Variants in BCAS3 observed in about 807,000 individuals in gnomAD.
BCAS3 encodes BCAS3 microtubule associated cell migration factor.
Under a neutral mutation model 116.1 loss-of-function variants are expected in BCAS3, and 53 were observed. That is an observed-to-expected ratio of 0.46 (90% CI 0.37 to 0.57). The LOEUF (loss-of-function observed/expected upper bound fraction) is 0.57, where lower values mean the gene tolerates loss of function less well. BCAS3 is among the 20% of genes least tolerant of loss of function. BCAS3 has a pLI of 0.00. For missense variants in BCAS3, 917 were observed against 1,165.4 expected (o/e 0.79, Z 3.10); for synonymous variants, 391 against 408.2 (o/e 0.96, Z 0.51).
chr17:60,811,493 C>T, intron 7 of BCAS3: 1 of 454,750 alleles, frequency 2.2e-6, no homozygotes, highest in Admixed American at 2.9e-5. Flanking sequence ...CTTTGGGGAG[C>T]CAGGAGGCCA....
intron 19 of BCAS3, among the ~76,000 whole-genome samples, chr17:61,062,951 G>A (rs914941712): frequency 4.6e-5 from 7 of 152,222 alleles, no homozygotes; most frequent in Non-Finnish European, 8.8e-5. Flanking sequence ...TGGGAGGAAT[G>A]AGCAAGAATA....
At position 60,947,317 on chromosome 17, in the gene BCAS3, C is replaced by T. The variant is rs755943301; in HGVS notation, c.1186C>T (p.Leu396=). Residue 396 remains leucine, a synonymous_variant, in exon 14 of 24, where the codon CTG becomes TTG. Transcript: ENST00000407086. ...WSSSQCAVHH[L]YTLHRGETEA... ...CTCATCACAATGTGCTGTCCACCAT[C>T]TGTATACTCTTCACAGGGGAGAAAC... The T allele has an allele frequency of 6.2e-7, 1 of 1,613,772 alleles. No homozygotes were observed. Among genetic ancestry groups the T allele is most frequent in the South Asian group, 1.1e-5 (1 of 91,034 alleles).
At chr17:61,371,704 G>T (rs902119749) in intron 23 of BCAS3, among the ~76,000 whole-genome samples, 3 of 151,978 alleles carry the variant, frequency 2.0e-5, no homozygotes, top group African/African-American at 7.3e-5. Context: ...ATTTTTATTT[G>T]TCAATTAAAA....
chr17:61,363,234 G>A lies in BCAS3; in HGVS notation c.2426-5093G>A, dbSNP rs956931637. Among the ~76,000 whole-genome samples, 5 of 152,214 alleles carry A rather than the reference G, an allele frequency of 3.3e-5. No homozygotes were observed. Among genetic ancestry groups the A allele is most frequent in the African/African-American group, 4.8e-5 (2 of 41,446 alleles). On this transcript the variant is annotated intron_variant, in intron 22 of 23. Transcript: ENST00000407086. This position sits in a 1 kb window ranked among gnomAD's most constrained non-coding sequence, Gnocchi z 4.9. The stretch of plus-strand genomic sequence containing the variant: ...TGCCCGCATAATTTTATGTATGCAA[G>A]CACACATTTTTTGAGTAAGTGCTTA...
chr17:60,853,366 T>C (rs2053350021), intron 7 of BCAS3, among the ~76,000 whole-genome samples: 2 of 152,234 alleles, frequency 1.3e-5, no homozygotes, highest in African/African-American at 4.8e-5. Flanking sequence ...AAATGAGTTA[T>C]AAATTTAGTG....
At chr17:60,733,503 C>T (rs911156965) in intron 5 of BCAS3, among the ~76,000 whole-genome samples, 2 of 152,130 alleles carry the variant, frequency 1.3e-5, no homozygotes, top group Non-Finnish European at 2.9e-5. Flanking sequence ...AAACATGAGG[C>T]ATTCTTTTCC....
At position 61,356,213 on chromosome 17, in the gene BCAS3, C is replaced by T. The variant is rs1012349344; in HGVS notation, c.2426-12114C>T. Among the ~76,000 whole-genome samples, 4 of 152,072 alleles carry T rather than the reference C, an allele frequency of 2.6e-5. No homozygotes were observed. Among genetic ancestry groups the T allele is most frequent in the African/African-American group, 7.2e-5 (3 of 41,390 alleles). On this transcript the variant is annotated intron_variant, in intron 22 of 23. Coordinates refer to ENST00000407086, the MANE Select transcript of BCAS3 (RefSeq NM_017679.5). The surrounding 1 kb of genome is among the most constrained non-coding windows in gnomAD (Gnocchi z 5.4). The stretch of plus-strand genomic sequence containing the variant: ...TTCACCGTGTTGGCCAGGCTGGTCT[C>T]GAACTCCTGACCTCAGGTGATCCAC...
chr17:60,931,064 T>A (rs995136124), intron 13 of BCAS3, among the ~76,000 whole-genome samples: 1 of 152,148 alleles, frequency 6.6e-6, no homozygotes, highest in African/African-American at 2.4e-5. Context: ...TTCAATTTTT[T>A]AATTCCCATT....
chr17:61,299,460 AAAAAAAGAAAAG>A lies in BCAS3; in HGVS notation c.2426-68858_2426-68847del, dbSNP rs1205523425. 2.7e-3 allele frequency among the ~76,000 whole-genome samples: 396 copies of A among 145,328 alleles called. 3 individuals are homozygous for A. Among genetic ancestry groups the A allele is most frequent in the African/African-American group, 5.4e-3 (206 of 38,362 alleles). On this transcript the variant is annotated intron_variant, in intron 22 of 23. Transcript: ENST00000407086. ...TCCATCTCAAAAAAAAAAAAAAAAA[AAAAAAAGAAAAG>A]AAAAAAGATGGGATTCTGAGTAAAC...
In BCAS3 at chr17:60,724,786, T is replaced by TA. The variant is rs550598581; in HGVS notation, c.321+15474dup. The stretch of plus-strand genomic sequence containing the variant: ...TTTTACCTTTAGGTTTAAGATTCAT[T>TA]AAAAAAAAAAAAACAGCTTTGTATA... On this transcript the variant is annotated intron_variant, in intron 5 of 23. Coordinates refer to ENST00000407086, the MANE Select transcript of BCAS3 (RefSeq NM_017679.5). Among the ~76,000 whole-genome samples, 894 of 143,184 alleles carry TA rather than the reference T, an allele frequency of 6.2e-3. 3 individuals carry two copies. Among genetic ancestry groups the TA allele is most frequent in the Admixed American group, 0.01 (147 of 14,182 alleles). 93.9% of individuals were successfully genotyped at this position (143,184 alleles called of 152,430 possible).
Position 61,279,128 on chromosome 17 carries a change from G to A in BCAS3, c.2426-89199G>A, listed in dbSNP as rs1160813164. Among the ~76,000 whole-genome samples, 2 of 151,682 alleles carry A rather than the reference G, an allele frequency of 1.3e-5. No individual in the cohort carries two copies. Among genetic ancestry groups the A allele is most frequent in the Non-Finnish European group, 1.5e-5 (1 of 67,936 alleles). On this transcript the variant is annotated intron_variant, in intron 22 of 23. Transcript: ENST00000407086. The surrounding 1 kb of genome is among the most constrained non-coding windows in gnomAD (Gnocchi z 4.4). ...TGCCTGGCTAATTTTTGTATCTTTA[G>A]TAGAGACGGGGTTTTACTGTGTTGG...
chr17:61,260,668 A>G (rs2049124266), intron 22 of BCAS3, among the ~76,000 whole-genome samples: 1 of 152,240 alleles, frequency 6.6e-6, no homozygotes, highest in African/African-American at 2.4e-5. Flanking sequence ...TTCAGAGGCC[A>G]AGTCAGACAA....
intron 14 of BCAS3, among the ~76,000 whole-genome samples, chr17:60,953,921 A>T (rs1313445111): frequency 6.6e-6 from 1 of 151,882 alleles, no homozygotes; most frequent in Non-Finnish European, 1.5e-5. Context: ...TTTAGTATAG[A>T]TGGGGTTTCA....
At chr17:61,371,493 G>A (rs1382259686) in intron 23 of BCAS3, among the ~76,000 whole-genome samples, 1 of 152,166 alleles carries the variant, frequency 6.6e-6, no homozygotes, top group Non-Finnish European at 1.5e-5. Context: ...AGAAGAATAA[G>A]TTCAAGAGAT....
At chr17:60,760,188 A>T (rs7503356) in intron 6 of BCAS3, among the ~76,000 whole-genome samples, 123,881 of 152,144 alleles carry the variant, frequency 0.81, 51,948 homozygotes, top group South Asian at 0.98. Context: ...AAGGTTATTA[A>T]TGATGTGTGA....
chr17:61,040,887 C>T lies in BCAS3; in HGVS notation c.2024C>T (p.Ala675Val). 1 of 1,613,278 alleles carries T rather than the reference C, an allele frequency of 6.2e-7. No homozygotes were observed. The highest frequency in any genetic ancestry group is 1.3e-5 in the African/African-American group (1 of 74,994). ...GTACAGTATTATCAGTTCCTGCTTG[C>T]TGGCCGTAAGTAGTTCAGATTTTTT... Reference protein sequence around the residue: ...DAVQYYQFLLAGLVPPGSPGP... With the variant: ...DAVQYYQFLLVGLVPPGSPGP... Residue 675 changes from alanine to valine, a missense_variant, in exon 19 of 24, where the codon GCT (alanine) becomes GTT (valine). Coordinates refer to ENST00000407086, the MANE Select transcript of BCAS3 (RefSeq NM_017679.5).
At chr17:60,769,516 C>T (rs150520407) in intron 6 of BCAS3, among the ~76,000 whole-genome samples, 33 of 152,290 alleles carry the variant, frequency 2.2e-4, no homozygotes, top group Middle Eastern at 3.4e-3. Flanking sequence ...CCACCTCCAG[C>T]CCCAGGGGAG....
intron 6 of BCAS3, among the ~76,000 whole-genome samples, chr17:60,748,529 G>A (rs1043427270): frequency 6.6e-6 from 1 of 152,252 alleles, no homozygotes; most frequent in Non-Finnish European, 1.5e-5. Context: ...TTTCTAGAAG[G>A]GTTTTGGAAT....
rs2047368743 is a variant in BCAS3, at chr17:61,239,995, AT to A, written c.2426-128331del. ...AATGTTAAATATATGTGTGATAAAA[AT>A]ATTTTGATTGGGGTTTTCTGTGTGG... is the stretch of plus-strand genomic sequence containing the variant. On this transcript the variant is annotated intron_variant, in intron 22 of 23. Coordinates refer to ENST00000407086, the MANE Select transcript of BCAS3 (RefSeq NM_017679.5). This position sits in a 1 kb window ranked among gnomAD's most constrained non-coding sequence, Gnocchi z 4.2. 6.6e-6 allele frequency among the ~76,000 whole-genome samples: 1 copy of A among 152,204 alleles called. No homozygotes were observed. The highest frequency in any genetic ancestry group is 2.4e-5 in the African/African-American group (1 of 41,450).
Sources: gnomAD v4.1 joint callset for allele counts (sites outside exome capture counted in the v4.1 genomes callset) on GRCh38, gnomAD v4.1.1 for gene constraint, Gnocchi (gnomAD v3.1) non-coding constraint, MANE v1.5 for transcripts, NCBI Gene and HGNC (gene_info 2026-07-23, HGNC 2026-07-21) for gene names.